C4orf50: variants seen among roughly 807,000 people sequenced by gnomAD.
C4orf50 encodes the protein chromosome 4 open reading frame 50, also known as uncharacterized protein C4orf50.
A neutral mutation model predicts 77.2 loss-of-function variants in C4orf50; 80 were observed. That is an observed-to-expected ratio of 1.04 (90% CI 0.87 to 1.25). The LOEUF (loss-of-function observed/expected upper bound fraction) is 1.25. Among genes scored for constraint, C4orf50 ranks in the 50% most tolerant of loss-of-function variants. C4orf50 has a pLI of 0.00. For missense variants in C4orf50, 1,257 were observed against 1,152.9 expected (o/e 1.09, Z -1.31); for synonymous variants, 532 against 465.3 (o/e 1.14, Z -1.84).
chr4:6,004,788 GTGGTGA>G lies in C4orf50; in HGVS notation c.963+3202_963+3207del, dbSNP rs936948395. On this transcript the variant is annotated intron_variant, in intron 25 of 33. Coordinates refer to ENST00000531445, the Ensembl canonical transcript of C4orf50. ...GACAGTGATGACGGCGATGGTGATGGTGGTGATGGTGATGGTGATGTTGGTGATGAT... is the reference window on the plus strand; with the variant it reads ...GACAGTGATGACGGCGATGGTGATGGTGGTGATGGTGATGTTGGTGATGAT... 1.6e-3 allele frequency among the ~76,000 whole-genome samples: 244 copies of G among 150,362 alleles called. 6 individuals carry two copies. In the East Asian group the frequency reaches 0.023, roughly 14 times the overall value.
intron 7 of C4orf50, among the ~76,000 whole-genome samples, chr4:5,917,935 A>G (rs1717101561): frequency 6.6e-6 from 1 of 152,106 alleles, no homozygotes; most frequent in South Asian, 2.1e-4. Flanking sequence ...ACAGAATGCA[A>G]TGAGATGCGG....
At chr4:5,961,743 G>A (rs754627034) in intron 33 of C4orf50, among the ~76,000 whole-genome samples, 2 of 152,158 alleles carry the variant, frequency 1.3e-5, no homozygotes, top group African/African-American at 2.4e-5. Flanking sequence ...TGATATAGAG[G>A]GCGAAACATC....
intron 7 of C4orf50, among the ~76,000 whole-genome samples, chr4:5,926,055 C>T (rs1436437631): frequency 1.3e-5 from 2 of 152,332 alleles, no homozygotes; most frequent in East Asian, 3.9e-4. Context: ...GACACGATAG[C>T]TGGAAGGAGG....
At chr4:5,935,343 T>C (rs1717960259) in intron 7 of C4orf50, among the ~76,000 whole-genome samples, 1 of 152,148 alleles carries the variant, frequency 6.6e-6, no homozygotes, top group African/African-American at 2.4e-5. Context: ...AGAGAGGAAG[T>C]TTGTCCTGGC....
rs544066562 is a variant in C4orf50, at chr4:6,011,487, G to A, written c.426+343C>T. Among the ~76,000 whole-genome samples, 5 of 152,054 alleles carry A rather than the reference G, an allele frequency of 3.3e-5. No individual in the cohort carries two copies. The highest frequency in any genetic ancestry group is 7.2e-5 in the African/African-American group (3 of 41,478). On this transcript the variant is annotated intron_variant, in intron 24 of 33. Transcript: ENST00000531445. The surrounding 1 kb of genome is among the most constrained non-coding windows in gnomAD (Gnocchi z 4.2). ...CACTCCCCCATGGCACCCCACATCC[G>A]GGTTTAGAGTTATTTGTTTCTTATC...
intron 7 of C4orf50, among the ~76,000 whole-genome samples, chr4:5,910,105 T>C (rs1716738469): frequency 6.9e-6 from 1 of 145,760 alleles, no homozygotes; most frequent in East Asian, 2.1e-4. Context: ...AGTATGATAA[T>C]TTTAGCAATA....
rs985556844 is a variant in C4orf50 at position 5,974,893 on chromosome 4, C to T, written c.3921+1006G>A. ...GTGGCTCATGCCTGTAATCCCAGCA[C>T]TTTGGGAGGCCAAGAGGGGGTGGAT... On this transcript the variant is annotated intron_variant, in intron 30 of 33. Transcript: ENST00000531445. Among the ~76,000 whole-genome samples, 5 of 152,114 alleles carry T rather than the reference C, an allele frequency of 3.3e-5. No homozygotes were observed. In the East Asian group the frequency reaches 9.7e-4, roughly 30 times the overall value.
At chr4:5,925,628 C>T (rs9999966) in intron 7 of C4orf50, among the ~76,000 whole-genome samples, 13,206 of 152,322 alleles carry the variant, frequency 0.087, 589 homozygotes, top group Middle Eastern at 0.095. Flanking sequence ...GGCAACCTGC[C>T]TCTCCCACCA....
intron 7 of C4orf50, among the ~76,000 whole-genome samples, chr4:5,917,410 T>TC (rs2108734942): frequency 9.6e-6 from 1 of 103,912 alleles, no homozygotes; most frequent in African/African-American, 6.8e-5. Flanking sequence ...GTATTTCTTT[T>TC]TTTTTTTTTT....
At chr4:5,988,257 C>A in intron 28 of C4orf50, 90 bp downstream of exon 6, 1 of 1,512,398 alleles carries the variant, frequency 6.6e-7, no homozygotes, top group Middle Eastern at 1.8e-4. Context: ...ACCTCCCTCA[C>A]AGGACTCTGG....
At chr4:5,980,063 C>A in intron 29 of C4orf50, 111 bp downstream of exon 7, 1 of 808,078 alleles carries the variant, frequency 1.2e-6, no homozygotes, top group Non-Finnish European at 1.9e-6. Flanking sequence ...CCAGTACCTG[C>A]TCCCAACTGG....
chr4:5,957,802 CT>C (rs1350433300), exon 34 of C4orf50: 1 of 152,202 alleles, frequency 6.6e-6, no homozygotes, highest in Non-Finnish European at 1.5e-5. Context: ...TGTGCTGAGG[CT>C]GCCTTTCTTA....
chr4:5,987,144 C>T (rs772025883), intron 28 of C4orf50, among the ~76,000 whole-genome samples: 4 of 151,904 alleles, frequency 2.6e-5, no homozygotes, highest in South Asian at 2.1e-4. Context: ...CGTACGGTGG[C>T]GCATGCCTGT....
chr4:5,917,830 G>C (rs1717097231), intron 7 of C4orf50, among the ~76,000 whole-genome samples: 1 of 152,006 alleles, frequency 6.6e-6, no homozygotes. Flanking sequence ...CCCGGTCCTG[G>C]TTTGCACAGG....
chr4:5,941,263 G>A lies in C4orf50; in HGVS notation c.*2474+15638C>T, dbSNP rs148029424. ...CTTGTCATTCTGACAACAACACTGC[G>A]AGTTAAGTACTATCATTGTCCCTAT... On this transcript the variant is annotated intron_variant, in intron 7 of 7. Transcript: ENST00000324058. 4.4e-3 allele frequency among the ~76,000 whole-genome samples: 668 copies of A among 152,270 alleles called. 5 individuals carry two copies. Among genetic ancestry groups the A allele is most frequent in the African/African-American group, 0.014 (571 of 41,548 alleles).
At chr4:6,012,535 T>A (rs1722532241) in intron 23 of C4orf50, among the ~76,000 whole-genome samples, 2 of 152,270 alleles carry the variant, frequency 1.3e-5, no homozygotes, top group South Asian at 2.1e-4. Context: ...TTTCTGCAAC[T>A]GAAAAAAATT....
chr4:6,014,826 C>A (rs569879019), intron 23 of C4orf50, among the ~76,000 whole-genome samples: 3 of 152,338 alleles, frequency 2.0e-5, no homozygotes, highest in African/African-American at 7.2e-5. Context: ...CCTGACCCCT[C>A]TTCTGCAAGA....
At chr4:5,897,894 G>A (rs60637579) in exon 8 of C4orf50, 1 of 152,182 alleles carries the variant, frequency 6.6e-6, no homozygotes, top group Admixed American at 6.5e-5. Flanking sequence ...TTCCGGAGGG[G>A]AGGTGTCGGG....
intron 33 of C4orf50, among the ~76,000 whole-genome samples, chr4:5,964,245 C>T (rs1170613221): frequency 6.6e-6 from 1 of 152,146 alleles, no homozygotes; most frequent in Middle Eastern, 3.2e-3. Context: ...TTGGGGCCGA[C>T]AGGGGAAAGG....
Sources: gnomAD v4.1 joint callset for allele counts (sites outside exome capture counted in the v4.1 genomes callset) on GRCh38, gnomAD v4.1.1 for gene constraint, Gnocchi (gnomAD v3.1) non-coding constraint, MANE v1.5 for transcripts, NCBI Gene and HGNC (gene_info 2026-07-23, HGNC 2026-07-21) for gene names.